Variants in NEDD4L observed in about 807,000 individuals in gnomAD.
The protein encoded by NEDD4L is E3 ubiquitin-protein ligase NEDD4-like.
A neutral mutation model predicts 148.9 loss-of-function variants in NEDD4L; 54 were observed. The ratio of observed to expected loss-of-function variants is 0.36; its 90% CI spans 0.29 to 0.45. The LOEUF is 0.45. NEDD4L is among the 20% of genes least tolerant of loss of function. The pLI is 1.00. For synonymous variants in NEDD4L, 433 were observed against 440.7 expected (o/e 0.98, Z 0.22); for missense variants, 856 against 1,233.8 (o/e 0.69, Z 4.59).
intron 2 of NEDD4L, among the ~76,000 whole-genome samples, chr18:58,201,440 A>G (rs1238638166): frequency 6.6e-6 from 1 of 152,196 alleles, no homozygotes; most frequent in Non-Finnish European, 1.5e-5. Context: ...ATGAAACCCC[A>G]TCACTCAGCC....
chr18:58,164,632 G>A (rs1332855566), intron 1 of NEDD4L, among the ~76,000 whole-genome samples: 1 of 152,174 alleles, frequency 6.6e-6, no homozygotes, highest in Non-Finnish European at 1.5e-5. Context: ...CACCATGTCT[G>A]GCTAAATTTT....
At chr18:58,237,612 CTATT>C (rs2046182981) in intron 2 of NEDD4L, among the ~76,000 whole-genome samples, 1 of 152,130 alleles carries the variant, frequency 6.6e-6, no homozygotes, top group African/African-American at 2.4e-5. Flanking sequence ...TTTTAACAAA[CTATT>C]TAAGCTTAAA....
At chr18:58,156,573 G>A (rs2035524697) in intron 1 of NEDD4L, among the ~76,000 whole-genome samples, 1 of 152,144 alleles carries the variant, frequency 6.6e-6, no homozygotes, top group Admixed American at 6.5e-5. Flanking sequence ...AACATCAGGG[G>A]CTATCTGGTT....
At chr18:58,396,103 C>A (rs2050462633) in intron 30 of NEDD4L, 64 bp from the exon 31 acceptor site, 1 of 1,075,604 alleles carries the variant, frequency 9.3e-7, no homozygotes, top group African/African-American at 1.5e-5. Flanking sequence ...ACCTCATGCC[C>A]TATTAACCAG....
chr18:58,071,786 T>A (rs1409527448), intron 1 of NEDD4L, among the ~76,000 whole-genome samples: 1 of 152,220 alleles, frequency 6.6e-6, no homozygotes, highest in African/African-American at 2.4e-5. Flanking sequence ...TGCAAAGTCA[T>A]GTCTTACATG....
chr18:58,111,144 T>C lies in NEDD4L; in HGVS notation c.49-54644T>C, dbSNP rs113249327. Among the ~76,000 whole-genome samples, 1,402 of 152,326 alleles carry C rather than the reference T, an allele frequency of 9.2e-3. 17 individuals are homozygous for C. Among genetic ancestry groups the C allele is most frequent in the African/African-American group, 0.032 (1,324 of 41,566 alleles). ...GTGGAGTGGCACAATCTCGGCTTAC[T>C]GCAACCTCTGCCTCCTGCGTTCAAG... On this transcript the variant is annotated intron_variant, in intron 1 of 30. Transcript: ENST00000400345.
intron 19 of NEDD4L, among the ~76,000 whole-genome samples, chr18:58,358,171 G>GT (rs1276763756): frequency 3.3e-5 from 5 of 152,116 alleles, no homozygotes; most frequent in Admixed American, 3.3e-4. Flanking sequence ...TTTTGAATTA[G>GT]TAAGATACAT....
At chr18:58,375,656 C>T (rs1848599408) in intron 24 of NEDD4L, among the ~76,000 whole-genome samples, 2 of 152,074 alleles carry the variant, frequency 1.3e-5, no homozygotes, top group Non-Finnish European at 2.9e-5. Context: ...ACCTCTTTCC[C>T]TGCCATCCTC....
chr18:58,260,056 T>G (rs1240536067), intron 5 of NEDD4L, among the ~76,000 whole-genome samples: 1 of 152,170 alleles, frequency 6.6e-6, no homozygotes, highest in Non-Finnish European at 1.5e-5. Context: ...CCCCTTTATT[T>G]TAAAACATAA....
intron 1 of NEDD4L, among the ~76,000 whole-genome samples, chr18:58,144,068 GC>G: frequency 6.7e-6 from 1 of 150,004 alleles, no homozygotes; most frequent in South Asian, 2.1e-4. Flanking sequence ...AAAACATTCT[GC>G]CACACACATT....
At chr18:58,384,631 C>T (rs893860588) in intron 25 of NEDD4L, among the ~76,000 whole-genome samples, 1 of 152,178 alleles carries the variant, frequency 6.6e-6, no homozygotes, top group African/African-American at 2.4e-5. Context: ...GGCAGGGTTC[C>T]AGCTAGCTTT....
rs2039345117 is a variant in NEDD4L, at chr18:58,185,329, T to G, written c.122+19468T>G. Among the ~76,000 whole-genome samples, 3 of 152,188 alleles carry G rather than the reference T, an allele frequency of 2.0e-5. 1 individual carries two copies. The highest frequency in any genetic ancestry group is 2.0e-4 in the Admixed American group (3 of 15,288). ...ATGGTACCTGTTCCGTATGAAACAC[T>G]TTAAAACTCCCGGTGTCCACACGTC... On this transcript the variant is annotated intron_variant, in intron 2 of 30. Coordinates refer to ENST00000400345, the MANE Select transcript of NEDD4L (RefSeq NM_001144967.3).
At chr18:58,189,623 G>A (rs1332446887) in intron 2 of NEDD4L, among the ~76,000 whole-genome samples, 1 of 152,148 alleles carries the variant, frequency 6.6e-6, no homozygotes, top group Non-Finnish European at 1.5e-5. Flanking sequence ...GTGGGGCCTT[G>A]CACACATCCT....
intron 1 of NEDD4L, among the ~76,000 whole-genome samples, chr18:58,108,636 G>A (rs1024024650): frequency 2.0e-5 from 3 of 152,136 alleles, no homozygotes; most frequent in Non-Finnish European, 4.4e-5. Flanking sequence ...GGCCAGGCTG[G>A]TCTCAAACTC....
chr18:58,362,146 A>G (rs1160715395), intron 19 of NEDD4L, among the ~76,000 whole-genome samples: 1 of 152,246 alleles, frequency 6.6e-6, no homozygotes, highest in Non-Finnish European at 1.5e-5. Context: ...AGCCCCTGCC[A>G]GGAGACAGAG....
intron 1 of NEDD4L, among the ~76,000 whole-genome samples, chr18:58,079,254 G>A (rs535946695): frequency 6.6e-6 from 1 of 152,266 alleles, no homozygotes; most frequent in African/African-American, 2.4e-5. Flanking sequence ...AAATGAAAGA[G>A]GTGCTTGGAT....
chr18:58,380,552 G>A (rs1438040879), intron 24 of NEDD4L, among the ~76,000 whole-genome samples: 2 of 151,948 alleles, frequency 1.3e-5, no homozygotes, highest in African/African-American at 4.8e-5. Context: ...TCCTGACCTC[G>A]TGATCTGCCC....
At chr18:58,120,533 A>C (rs1410059269) in intron 1 of NEDD4L, among the ~76,000 whole-genome samples, 1 of 152,064 alleles carries the variant, frequency 6.6e-6, no homozygotes, top group Non-Finnish European at 1.5e-5. Flanking sequence ...TAATCCCAGC[A>C]CGTTGGGAGG....
At chr18:58,138,053 C>T (rs1374588396) in intron 1 of NEDD4L, among the ~76,000 whole-genome samples, 2 of 152,240 alleles carry the variant, frequency 1.3e-5, no homozygotes, top group African/African-American at 4.8e-5. Context: ...TCACCCAGCC[C>T]ATGCTCTCCT....
Sources: gnomAD v4.1 joint callset for allele counts (sites outside exome capture counted in the v4.1 genomes callset) on GRCh38, gnomAD v4.1.1 for gene constraint, MANE v1.5 for transcripts, NCBI Gene and HGNC (gene_info 2026-07-23, HGNC 2026-07-21) for gene names.